Variants in PCDHA11 observed in about 807,000 individuals in gnomAD.
PCDHA11 encodes protocadherin alpha 11.
A neutral mutation model predicts 70.3 loss-of-function variants in PCDHA11; 61 were observed. That is an observed-to-expected ratio of 0.87 (90% CI 0.71 to 1.07). The LOEUF is 1.07. Among genes scored for constraint, PCDHA11 ranks in the 50% least tolerant of loss-of-function variants. The probability of loss-of-function intolerance (pLI) is 0.00; values close to 1 mark genes in which losing one functional copy is unlikely to be tolerated. For missense variants in PCDHA11, 1,324 were observed against 1,237.5 expected (o/e 1.07, Z -1.05); for synonymous variants, 633 against 555.1 (o/e 1.14, Z -1.97).
At chr5:140,932,309 ATATAT>A (rs1441363335) in intron 1 of PCDHA11, among the ~76,000 whole-genome samples, 6 of 151,956 alleles carry the variant, frequency 3.9e-5, no homozygotes, top group Non-Finnish European at 8.8e-5. Context: ...AAAGGTATAA[ATATAT>A]TAATGTAGCA....
chr5:140,888,640 A>G (rs2153424746), intron 1 of PCDHA11, among the ~76,000 whole-genome samples: 1 of 152,282 alleles, frequency 6.6e-6, no homozygotes, highest in East Asian at 1.9e-4. Context: ...TTACAGCAAT[A>G]CTTTCCTGAG....
At chr5:140,900,776 G>A (rs1407126944) in intron 1 of PCDHA11, among the ~76,000 whole-genome samples, 1 of 152,172 alleles carries the variant, frequency 6.6e-6, no homozygotes, top group Non-Finnish European at 1.5e-5. Flanking sequence ...GCTTTTTGAG[G>A]AAACTCCAAA....
At chr5:140,946,857 G>T (rs2094041766) in intron 1 of PCDHA11, among the ~76,000 whole-genome samples, 1 of 151,296 alleles carries the variant, frequency 6.6e-6, no homozygotes, top group Non-Finnish European at 1.5e-5. Flanking sequence ...GAGAGATTGA[G>T]GAGAGGTTGG....
chr5:140,900,252 AG>A (rs2067859572), intron 1 of PCDHA11, among the ~76,000 whole-genome samples: 1 of 152,096 alleles, frequency 6.6e-6, no homozygotes, highest in South Asian at 2.1e-4. Flanking sequence ...ATGGCTGAAT[AG>A]TACTCCATTG....
intron 1 of PCDHA11, among the ~76,000 whole-genome samples, chr5:140,888,361 C>G (rs1445087911): frequency 2.0e-5 from 3 of 152,156 alleles, no homozygotes; most frequent in Non-Finnish European, 4.4e-5. Flanking sequence ...CTACTGGCAT[C>G]TAATAATGGA....
At chr5:140,944,383 C>T (rs1344204416) in intron 1 of PCDHA11, among the ~76,000 whole-genome samples, 1 of 152,084 alleles carries the variant, frequency 6.6e-6, no homozygotes, top group African/African-American at 2.4e-5. Context: ...GATGGAGTCT[C>T]ACTGTGTTAT....
chr5:140,967,293 A>T, intron 1 of PCDHA11: 1 of 1,612,824 alleles, frequency 6.2e-7, no homozygotes. Flanking sequence ...CAGGACCCCG[A>T]CGTGGGCGCC....
intron 1 of PCDHA11, among the ~76,000 whole-genome samples, chr5:140,909,547 C>T (rs2074573960): frequency 1.3e-5 from 2 of 152,278 alleles, no homozygotes; most frequent in Non-Finnish European, 2.9e-5. Context: ...GATGGTGGCA[C>T]TAATCTCTGC....
At chr5:140,913,299 T>A (rs2076283233) in intron 1 of PCDHA11, among the ~76,000 whole-genome samples, 1 of 152,196 alleles carries the variant, frequency 6.6e-6, no homozygotes, top group South Asian at 2.1e-4. Context: ...AATTTCTTCA[T>A]AGATCAACCT....
In PCDHA11 at chr5:140,884,016, G is replaced by A. The variant is rs143828814; in HGVS notation, c.2391+12522G>A. 13 of 1,613,090 alleles carry A rather than the reference G, an allele frequency of 8.1e-6. No individual in the cohort carries two copies. In the Admixed American group the frequency reaches 1.2e-4, roughly 14 times the overall value. On this transcript the variant is annotated intron_variant, in intron 1 of 3. Coordinates refer to ENST00000398640, the MANE Select transcript of PCDHA11 (RefSeq NM_018902.5). ...GGCACAGTGAGCGAGCTGATGCCGC[G>A]GTCGGTGGGTGCAGGCCACGTGGTG...
intron 3 of PCDHA11, among the ~76,000 whole-genome samples, chr5:140,984,683 T>A (rs1481664684): frequency 6.6e-6 from 1 of 152,200 alleles, no homozygotes; most frequent in East Asian, 1.9e-4. Flanking sequence ...GGACTCAATA[T>A]ATGTTCTGCA....
chr5:140,872,442 C>T (rs1443444144), intron 1 of PCDHA11, among the ~76,000 whole-genome samples: 1 of 152,070 alleles, frequency 6.6e-6, no homozygotes, highest in Non-Finnish European at 1.5e-5. Context: ...GCCTGGACAA[C>T]ATAGCGAGAT....
At position 140,870,876 on chromosome 5, in the gene PCDHA11, G is replaced by A; in HGVS notation, c.1773G>A (p.Ala591=). The A allele has an allele frequency of 6.2e-7, 1 of 1,613,958 alleles. No individual in the cohort carries two copies. The highest frequency in any genetic ancestry group is 8.5e-7 in the Non-Finnish European group (1 of 1,179,912). Residue 591 remains alanine (A), a synonymous_variant, in exon 1 of 4, where the codon GCG becomes GCA. Transcript: ENST00000398640. ...PRSVGAGHVV[A]KVRAVDADSG... is the part of the protein sequence containing the mutation. ...CGGTGGGTGCGGGCCACGTGGTGGC[G>A]AAGGTGCGCGCAGTGGATGCGGACT... is the stretch of plus-strand genomic sequence containing the variant.
At chr5:140,924,901 A>AAAAAAATAAAT (rs369245222) in intron 1 of PCDHA11, among the ~76,000 whole-genome samples, 34 of 80,504 alleles carry the variant, frequency 4.2e-4, no homozygotes, top group Non-Finnish European at 7.7e-4. Context: ...TCTCAAAAAA[A>AAAAAAATAAAT]AAAATAAAAT....
At chr5:140,985,391 C>T (rs2097149590) in intron 3 of PCDHA11, among the ~76,000 whole-genome samples, 1 of 152,136 alleles carries the variant, frequency 6.6e-6, no homozygotes, top group Non-Finnish European at 1.5e-5. Context: ...TCCAGTCACC[C>T]CAACTGTTCC....
intron 1 of PCDHA11, chr5:140,968,154 A>G (rs782200456): frequency 3.7e-6 from 6 of 1,614,162 alleles, no homozygotes; most frequent in South Asian, 1.1e-5. Flanking sequence ...TCTGACATCA[A>G]TGACAATCCA....
At chr5:140,951,986 C>A (rs2094668313) in intron 1 of PCDHA11, among the ~76,000 whole-genome samples, 2 of 152,166 alleles carry the variant, frequency 1.3e-5, no homozygotes, top group African/African-American at 4.8e-5. Flanking sequence ...AAGGGAAAAA[C>A]CAGCCAAAAG....
At chr5:140,956,147 C>T (rs150480657) in intron 1 of PCDHA11, among the ~76,000 whole-genome samples, 5,358 of 152,186 alleles carry the variant, frequency 0.035, 121 homozygotes, top group Non-Finnish European at 0.052. Context: ...ATTTCTTTCT[C>T]TTTCCTAATT....
chr5:140,972,241 GC>G (rs1162351861), intron 1 of PCDHA11, among the ~76,000 whole-genome samples: 1 of 151,838 alleles, frequency 6.6e-6, no homozygotes, highest in Non-Finnish European at 1.5e-5. Flanking sequence ...CTGGGCTCAA[GC>G]AATCCTCACA....
Sources: gnomAD v4.1 joint callset for allele counts (sites outside exome capture counted in the v4.1 genomes callset) on GRCh38, gnomAD v4.1.1 for gene constraint, MANE v1.5 for transcripts, NCBI Gene and HGNC (gene_info 2026-07-23, HGNC 2026-07-21) for gene names.